The following COL26A1 variants were observed in gnomAD, a reference collection of about 807,000 sequenced individuals.
The protein encoded by COL26A1 is collagen alpha-1(XXVI) chain.
COL26A1 carries 41 observed loss-of-function variants against 59.3 expected under a neutral mutation model. The observed-to-expected ratio is 0.69, with a 90% CI of 0.54 to 0.90. The LOEUF is 0.90. Ranked by LOEUF, COL26A1 falls within the 40% of genes least tolerant of loss-of-function variation. COL26A1 has a pLI of 0.00. For missense variants in COL26A1, 612 were observed against 602.3 expected (o/e 1.02, Z -0.17); for synonymous variants, 266 against 256.0 (o/e 1.04, Z -0.37).
intron 1 of COL26A1, among the ~76,000 whole-genome samples, chr7:101,403,992 G>A (rs1457591181): frequency 2.0e-5 from 3 of 152,294 alleles, no homozygotes; most frequent in East Asian, 1.9e-4. Flanking sequence ...TACTTGGGAG[G>A]CTGAGGCAGG....
chr7:101,506,142 C>T (rs778932268), intron 3 of COL26A1, among the ~76,000 whole-genome samples: 1 of 152,210 alleles, frequency 6.6e-6, no homozygotes, highest in African/African-American at 2.4e-5. Context: ...CCATTCAGAG[C>T]CTTTGGGACA....
At chr7:101,430,946 C>G (rs756660944) in intron 2 of COL26A1, among the ~76,000 whole-genome samples, 1 of 151,964 alleles carries the variant, frequency 6.6e-6, no homozygotes, top group Non-Finnish European at 1.5e-5. Flanking sequence ...GGTGGCCCAC[C>G]ACCATGCCCG....
At chr7:101,396,112 A>G (rs1431611844) in intron 1 of COL26A1, among the ~76,000 whole-genome samples, 1 of 151,942 alleles carries the variant, frequency 6.6e-6, no homozygotes, top group East Asian at 1.9e-4. Flanking sequence ...CCAAAAAAAC[A>G]TTAGCCAGGT....
At chr7:101,463,862 T>C (rs1305286043) in intron 3 of COL26A1, among the ~76,000 whole-genome samples, 1 of 124,642 alleles carries the variant, frequency 8.0e-6, no homozygotes, top group Non-Finnish European at 1.6e-5. Flanking sequence ...CTTTTTTCTC[T>C]TTTTTCTTTT....
chr7:101,386,230 A>G (rs56278608), intron 1 of COL26A1, among the ~76,000 whole-genome samples: 8,764 of 147,958 alleles, frequency 0.059, 288 homozygotes, highest in Non-Finnish European at 0.077. Context: ...TGCCCTGAGC[A>G]GGCCTCCTCT....
intron 3 of COL26A1, among the ~76,000 whole-genome samples, chr7:101,509,942 G>A (rs888208862): frequency 1.3e-5 from 2 of 151,758 alleles, no homozygotes; most frequent in African/African-American, 4.9e-5. Flanking sequence ...TGGCCAGGCT[G>A]GTCTCGAACT....
chr7:101,488,978 T>C (rs1047200225), intron 3 of COL26A1, among the ~76,000 whole-genome samples: 5 of 152,222 alleles, frequency 3.3e-5, no homozygotes, highest in Admixed American at 1.3e-4. Flanking sequence ...GATATTGCCC[T>C]GGGGACAAAC....
chr7:101,532,005 G>A (rs953569937), intron 3 of COL26A1, among the ~76,000 whole-genome samples: 2 of 152,058 alleles, frequency 1.3e-5, no homozygotes, highest in African/African-American at 4.8e-5. Flanking sequence ...AACAGTGATG[G>A]GGATGTGCAG....
chr7:101,499,888 A>AC (rs1247522411), intron 3 of COL26A1, among the ~76,000 whole-genome samples: 4 of 118,128 alleles, frequency 3.4e-5, no homozygotes, highest in African/African-American at 1.6e-4. Context: ...TTAAAAAAAA[A>AC]AAAAAAAACA....
At chr7:101,384,236 T>TTTTTTTTG (rs1562956574) in intron 1 of COL26A1, among the ~76,000 whole-genome samples, 3 of 139,190 alleles carry the variant, frequency 2.2e-5, no homozygotes, top group African/African-American at 9.5e-5. Context: ...GCTGGTTTTT[T>TTTTTTTTG]TTTTTTTTTT....
chr7:101,421,534 G>T (rs144902269), intron 2 of COL26A1, among the ~76,000 whole-genome samples: 1 of 152,110 alleles, frequency 6.6e-6, no homozygotes, highest in African/African-American at 2.4e-5. Flanking sequence ...AATTAGCCAG[G>T]CGTGGTGGTG....
chr7:101,378,750 C>T (rs562186170), intron 1 of COL26A1, among the ~76,000 whole-genome samples: 1 of 152,204 alleles, frequency 6.6e-6, no homozygotes, highest in African/African-American at 2.4e-5. Flanking sequence ...TGATCTCCCA[C>T]CCCCTTTCTT....
intron 2 of COL26A1, among the ~76,000 whole-genome samples, chr7:101,428,790 G>A (rs1792707941): frequency 6.6e-6 from 1 of 151,972 alleles, no homozygotes; most frequent in Non-Finnish European, 1.5e-5. Flanking sequence ...TTACAGGCAT[G>A]AGCCACCGCA....
chr7:101,388,316 T>C (rs1791641651), intron 1 of COL26A1, among the ~76,000 whole-genome samples: 2 of 151,272 alleles, frequency 1.3e-5, no homozygotes, highest in South Asian at 2.1e-4. Context: ...CCACTAAAAA[T>C]ACAAAAAATT....
At chr7:101,426,449 T>C (rs1792650716) in intron 2 of COL26A1, among the ~76,000 whole-genome samples, 3 of 152,126 alleles carry the variant, frequency 2.0e-5, no homozygotes, top group Admixed American at 2.0e-4. Flanking sequence ...CACCTGTGTG[T>C]CCACCATGAC....
intron 3 of COL26A1, among the ~76,000 whole-genome samples, chr7:101,490,732 CT>C (rs557323769): frequency 4.0e-4 from 61 of 151,612 alleles, no homozygotes; most frequent in African/African-American, 1.5e-3. Context: ...TGGACCATGG[CT>C]CATGCCTGTA....
intron 3 of COL26A1, among the ~76,000 whole-genome samples, chr7:101,515,104 G>T (rs1795002390): frequency 1.3e-5 from 2 of 152,200 alleles, no homozygotes; most frequent in African/African-American, 4.8e-5. Flanking sequence ...TTTCCTGGTT[G>T]CTCCAGACCA....
intron 3 of COL26A1, among the ~76,000 whole-genome samples, chr7:101,506,821 C>A (rs1794821478): frequency 6.6e-6 from 1 of 152,118 alleles, no homozygotes; most frequent in African/African-American, 2.4e-5. Flanking sequence ...AGATTCATAC[C>A]TTTCTGTCCA....
rs1794139866 is a variant in COL26A1 at position 101,480,822 on chromosome 7, C to G, written c.385+33035C>G. 2.6e-5 allele frequency among the ~76,000 whole-genome samples: 4 copies of G among 152,020 alleles called. No homozygotes were observed. In the South Asian group the frequency reaches 8.3e-4, roughly 32 times the overall value. ...CTGGCCTTCCCTGGTGCTTTTATTTCCTCTCTCATTGTTGCTTGTTTCCTT... is the reference window on the plus strand; with the variant it reads ...CTGGCCTTCCCTGGTGCTTTTATTTGCTCTCTCATTGTTGCTTGTTTCCTT... On this transcript the variant is annotated intron_variant, in intron 3 of 12. Coordinates refer to ENST00000313669, the MANE Select transcript of COL26A1 (RefSeq NM_001278563.3).
Sources: gnomAD v4.1 joint callset for allele counts (sites outside exome capture counted in the v4.1 genomes callset) on GRCh38, gnomAD v4.1.1 for gene constraint, MANE v1.5 for transcripts, NCBI Gene and HGNC (gene_info 2026-07-23, HGNC 2026-07-21) for gene names.